The following KAZN variants were observed in gnomAD, a reference collection of about 807,000 sequenced individuals.
KAZN encodes kazrin.
A neutral mutation model predicts 87.4 loss-of-function variants in KAZN; 40 were observed. That is an observed-to-expected ratio of 0.46 (90% confidence interval 0.36 to 0.60). The LOEUF (loss-of-function observed/expected upper bound fraction) is 0.60, where lower values mean the gene tolerates loss of function less well. Among genes scored for constraint, KAZN ranks in the 20% least tolerant of loss-of-function variants. The pLI, the probability that KAZN is intolerant of heterozygous loss-of-function variation, is 0.00. For missense variants in KAZN, 898 were observed against 1,073.9 expected, an observed-to-expected ratio of 0.84 and a Z score of 2.29; for synonymous variants, 466 against 458.3, an observed-to-expected ratio of 1.02 and a Z score of -0.22.
At chr1:14,440,245 G>C (rs1183059354) in intron 2 of KAZN, among the ~76,000 whole-genome samples, 2 of 152,190 alleles carry the variant, frequency 1.3e-5, no homozygotes, top group African/African-American at 2.4e-5. Flanking sequence ...TGGCAGGAGG[G>C]TGATATTCTA....
At chr1:14,782,475 G>A (rs1645381894) in intron 1 of KAZN, among the ~76,000 whole-genome samples, 1 of 147,006 alleles carries the variant, frequency 6.8e-6, no homozygotes, top group African/African-American at 2.5e-5. Context: ...TTGAACCCAG[G>A]AGGCAGAGTT....
At chr1:14,322,510 A>G (rs16853950) in intron 2 of KAZN, among the ~76,000 whole-genome samples, 3,513 of 152,178 alleles carry the variant, frequency 0.023, 146 homozygotes, top group African/African-American at 0.08. Context: ...CTTCTAATCC[A>G]TTCTATAGGA....
At chr1:15,097,807 A>G (rs1294750343) in intron 10 of KAZN, among the ~76,000 whole-genome samples, 1 of 152,300 alleles carries the variant, frequency 6.6e-6, no homozygotes, top group Non-Finnish European at 1.5e-5. Flanking sequence ...GACAAGAATG[A>G]AACTCCGTCT....
chr1:14,810,706 G>C (rs897551204), intron 1 of KAZN, among the ~76,000 whole-genome samples: 2 of 152,184 alleles, frequency 1.3e-5, no homozygotes, highest in African/African-American at 2.4e-5. Context: ...CCAGGGTGTG[G>C]CTTGTTGGGG....
chr1:14,927,964 C>G, intron 1 of KAZN, among the ~76,000 whole-genome samples: 1 of 134,930 alleles, frequency 7.4e-6, no homozygotes, highest in South Asian at 2.1e-4. Flanking sequence ...GATGCCTTGT[C>G]TTCATGGGTC....
chr1:13,953,104 G>A (rs1003194812), intron 1 of KAZN, among the ~76,000 whole-genome samples: 24 of 152,184 alleles, frequency 1.6e-4, no homozygotes, highest in African/African-American at 5.8e-4. Flanking sequence ...CTACAGAACG[G>A]CCCCCGAATT....
chr1:14,504,630 G>C (rs565192956), intron 2 of KAZN, among the ~76,000 whole-genome samples: 1 of 152,156 alleles, frequency 6.6e-6, no homozygotes, highest in Admixed American at 6.5e-5. Context: ...CTAATCAGGG[G>C]CAATGGGCTT....
chr1:14,352,902 C>T (rs1214804070), intron 2 of KAZN, among the ~76,000 whole-genome samples: 1 of 151,918 alleles, frequency 6.6e-6, no homozygotes, highest in Non-Finnish European at 1.5e-5. Flanking sequence ...TGATATTAAC[C>T]AATTAAAAGA....
intron 1 of KAZN, among the ~76,000 whole-genome samples, chr1:14,039,183 A>G (rs868253944): frequency 0.023 from 3,430 of 152,118 alleles, 154 homozygotes; most frequent in African/African-American, 0.079. Context: ...AAAAAAAAAA[A>G]AAAAAGTAGG....
intron 2 of KAZN, among the ~76,000 whole-genome samples, chr1:14,412,823 G>C (rs1159512084): frequency 2.0e-5 from 3 of 151,340 alleles, no homozygotes; most frequent in Non-Finnish European, 4.4e-5. Flanking sequence ...AGAACAATAT[G>C]GGGAGGGGAT....
intron 1 of KAZN, among the ~76,000 whole-genome samples, chr1:14,086,446 A>G (rs1038170484): frequency 2.6e-5 from 4 of 152,170 alleles, no homozygotes; most frequent in Non-Finnish European, 5.9e-5. Context: ...GTGAGACCAT[A>G]TGGTAGGTAT....
chr1:14,278,084 C>G (rs1006179857), intron 2 of KAZN, among the ~76,000 whole-genome samples: 1 of 148,644 alleles, frequency 6.7e-6, no homozygotes, highest in Non-Finnish European at 1.5e-5. Flanking sequence ...GCAGGAGAAT[C>G]GCCTGAATCT....
In KAZN at chr1:14,735,491, A is replaced by G. The variant is rs1353284036; in HGVS notation, c.226+136268A>G. Reference sequence around the variant, plus strand: ...GGTGTTTAGGCTGGACCCCGAAACCACCCCCATACACAAAGCCTGAGTGTC... The same window carrying G: ...GGTGTTTAGGCTGGACCCCGAAACCGCCCCCATACACAAAGCCTGAGTGTC... On this transcript the variant is annotated intron_variant, in intron 1 of 14. Coordinates refer to ENST00000376030, the MANE Select transcript of KAZN (RefSeq NM_201628.3). This position sits in a 1 kb window ranked among gnomAD's most constrained non-coding sequence, Gnocchi z 4.3. Among the ~76,000 whole-genome samples, 1 of 151,962 alleles carries G rather than the reference A, an allele frequency of 6.6e-6. No individual in the cohort carries two copies. Among genetic ancestry groups the G allele is most frequent in the Non-Finnish European group, 1.5e-5 (1 of 67,994 alleles).
chr1:15,104,152 C>T lies in KAZN; in HGVS notation c.2011C>T (p.Leu671=). ...PSGKHILRRH[L]AEEMSAVFHP... is the part of the protein sequence containing the mutation. ...TGGGAAGCACATCCTCCGGAGACAC[C>T]TGGCAGAGGAGATGAGCGCCGTCTT... is the stretch of plus-strand genomic sequence containing the variant. Residue 671 remains leucine (L), a synonymous_variant, in exon 13 of 15, where the codon CTG becomes TTG. Coordinates refer to ENST00000376030, the MANE Select transcript of KAZN (RefSeq NM_201628.3). 1 of 1,601,906 alleles carries T rather than the reference C, an allele frequency of 6.2e-7. No homozygotes were observed. Among genetic ancestry groups the T allele is most frequent in the Non-Finnish European group, 8.5e-7 (1 of 1,174,582 alleles).
Position 13,971,782 on chromosome 1 carries a change from C to T in KAZN, c.91+78026C>T, listed in dbSNP as rs182199879. The stretch of plus-strand genomic sequence containing the variant: ...TCCTTCACAAATGCTTTAGCACCAT[C>T]CCCCTTGGTACTGTCCTCATGATAG... On this transcript the variant is annotated intron_variant, in intron 1 of 16. Transcript: ENST00000636203. Among the ~76,000 whole-genome samples the T allele has an allele frequency of 3.2e-4, 49 of 152,278 alleles. No individual in the cohort carries two copies. The East Asian group carries it at 9.5e-3, about 29-fold the overall frequency.
chr1:14,855,498 C>A (rs1649990366), intron 1 of KAZN, among the ~76,000 whole-genome samples: 1 of 152,166 alleles, frequency 6.6e-6, no homozygotes, highest in African/African-American at 2.4e-5. Context: ...TTGGATGGAG[C>A]ACAAGTGACC....
intron 1 of KAZN, among the ~76,000 whole-genome samples, chr1:14,945,587 G>A (rs1031027625): frequency 2.6e-5 from 4 of 152,184 alleles, no homozygotes; most frequent in Non-Finnish European, 4.4e-5. Context: ...CTCCAGCTCC[G>A]GTGGGGAGAG....
chr1:14,370,838 C>A (rs1366208225), intron 2 of KAZN, among the ~76,000 whole-genome samples: 2 of 152,156 alleles, frequency 1.3e-5, no homozygotes, highest in African/African-American at 4.8e-5. Flanking sequence ...GCATGTGCTA[C>A]CACGCCTGGC....
chr1:14,336,242 C>A (rs1400767276), intron 2 of KAZN, among the ~76,000 whole-genome samples: 1 of 152,188 alleles, frequency 6.6e-6, no homozygotes, highest in East Asian at 1.9e-4. Context: ...TTATGTCTGG[C>A]TTCTCCCACT....
Sources: gnomAD v4.1 joint callset for allele counts (sites outside exome capture counted in the v4.1 genomes callset) on GRCh38, gnomAD v4.1.1 for gene constraint, Gnocchi (gnomAD v3.1) non-coding constraint, MANE v1.5 for transcripts, NCBI Gene and HGNC (gene_info 2026-07-23, HGNC 2026-07-21) for gene names.